The following DAB1 variants were observed in gnomAD, a reference collection of about 807,000 sequenced individuals.
DAB1 encodes disabled homolog 1.
In DAB1, 15 loss-of-function variants were observed where a neutral mutation model predicts 64.6. The observed-to-expected ratio is 0.23, with a 90% CI of 0.16 to 0.36. The LOEUF is 0.36. DAB1 is among the 10% of genes least tolerant of loss of function. The probability of loss-of-function intolerance (pLI) is 1.00; values close to 1 mark genes in which losing one functional copy is unlikely to be tolerated. For synonymous variants in DAB1, 235 were observed against 251.9 expected (o/e 0.93, Z 0.64); for missense variants, 596 against 706.7 (o/e 0.84, Z 1.78).
At chr1:57,316,454 G>T (rs987007197) in intron 1 of DAB1, among the ~76,000 whole-genome samples, 6 of 151,970 alleles carry the variant, frequency 3.9e-5, no homozygotes, top group Admixed American at 2.0e-4. Flanking sequence ...GCAATTACCG[G>T]ACAAATGCCA....
At chr1:57,151,630 C>T (rs1659673748) in intron 2 of DAB1, among the ~76,000 whole-genome samples, 1 of 151,842 alleles carries the variant, frequency 6.6e-6, no homozygotes, top group Admixed American at 6.6e-5. Context: ...GTCCTCAGAA[C>T]AAAACTTTCC....
intron 5 of DAB1, among the ~76,000 whole-genome samples, chr1:58,017,156 C>A (rs991408967): frequency 6.6e-6 from 1 of 151,944 alleles, no homozygotes; most frequent in Non-Finnish European, 1.5e-5. Flanking sequence ...ATGGGGTTGG[C>A]TTTCTGGACC....
At chr1:57,214,412 T>C (rs1179502636) in intron 2 of DAB1, among the ~76,000 whole-genome samples, 1 of 152,186 alleles carries the variant, frequency 6.6e-6, no homozygotes, top group Non-Finnish European at 1.5e-5. Context: ...GGATCATAAA[T>C]AGATTAATAG....
chr1:58,210,624 C>G (rs1167364105), intron 4 of DAB1, among the ~76,000 whole-genome samples: 1 of 152,166 alleles, frequency 6.6e-6, no homozygotes, highest in African/African-American at 2.4e-5. Flanking sequence ...GTCTAAAAGG[C>G]TTTTATTTGA....
chr1:58,264,744 C>T (rs986694412), intron 4 of DAB1, among the ~76,000 whole-genome samples: 4 of 152,172 alleles, frequency 2.6e-5, no homozygotes, highest in Non-Finnish European at 4.4e-5. Flanking sequence ...GAACTAATCA[C>T]GTGGCACCAT....
At chr1:57,540,567 T>C (rs1644789295) in intron 7 of DAB1, among the ~76,000 whole-genome samples, 1 of 152,210 alleles carries the variant, frequency 6.6e-6, no homozygotes, top group South Asian at 2.1e-4. Flanking sequence ...AATGGATGAA[T>C]GGATAAAGAA....
chr1:58,076,032 A>G (rs1283493896), intron 5 of DAB1, among the ~76,000 whole-genome samples: 2 of 152,182 alleles, frequency 1.3e-5, no homozygotes, highest in Non-Finnish European at 2.9e-5. Context: ...ACTTAAATTC[A>G]TATGAGGTCC....
At chr1:57,208,759 T>C (rs1331534251) in intron 2 of DAB1, among the ~76,000 whole-genome samples, 1 of 152,146 alleles carries the variant, frequency 6.6e-6, no homozygotes, top group Non-Finnish European at 1.5e-5. Context: ...TTAATTTTCA[T>C]CCCCATTTTG....
At chr1:58,129,838 C>T (rs947397160) in intron 5 of DAB1, among the ~76,000 whole-genome samples, 2 of 151,138 alleles carry the variant, frequency 1.3e-5, no homozygotes, top group African/African-American at 4.9e-5. Flanking sequence ...GTTATAATTT[C>T]TGTTCTTTTA....
chr1:57,731,152 A>C (rs1416649824), intron 6 of DAB1, among the ~76,000 whole-genome samples: 2 of 152,228 alleles, frequency 1.3e-5, no homozygotes, highest in Non-Finnish European at 2.9e-5. Context: ...AAAGCAAGGA[A>C]ATTTTGAGAC....
intron 1 of DAB1, among the ~76,000 whole-genome samples, chr1:58,540,800 G>C (rs1646594711): frequency 6.7e-6 from 1 of 149,806 alleles, no homozygotes; most frequent in South Asian, 2.1e-4. Flanking sequence ...AAAAAGCGGG[G>C]AGGAGGTGTA....
At chr1:57,179,283 A>G (rs983547485) in intron 2 of DAB1, among the ~76,000 whole-genome samples, 4 of 152,186 alleles carry the variant, frequency 2.6e-5, no homozygotes, top group African/African-American at 9.6e-5. Context: ...CTGGCACAGC[A>G]GCGAGGTGAA....
intron 6 of DAB1, among the ~76,000 whole-genome samples, chr1:57,716,809 G>A (rs1378807109): frequency 6.6e-6 from 1 of 152,208 alleles, no homozygotes. Context: ...CCTACAGAAT[G>A]GGAGAAAGTA....
At chr1:58,252,766 T>TC (rs1281723109) in intron 4 of DAB1, among the ~76,000 whole-genome samples, 1 of 152,152 alleles carries the variant, frequency 6.6e-6, no homozygotes, top group African/African-American at 2.4e-5. Flanking sequence ...CTCTTGACTT[T>TC]CTCCTTCTCT....
intron 3 of DAB1, among the ~76,000 whole-genome samples, chr1:58,348,779 A>C (rs1270348869): frequency 6.6e-6 from 1 of 152,238 alleles, no homozygotes; most frequent in African/African-American, 2.4e-5. Context: ...GAAATGCTAA[A>C]TTAGAGTAAA....
chr1:58,343,005 T>C (rs369374269), intron 4 of DAB1, among the ~76,000 whole-genome samples: 3 of 152,178 alleles, frequency 2.0e-5, no homozygotes, highest in African/African-American at 7.2e-5. Flanking sequence ...TAGGCTTATG[T>C]CCAAACTTCT....
At chr1:58,509,811 G>A (rs564918034) in intron 2 of DAB1, among the ~76,000 whole-genome samples, 206 of 151,878 alleles carry the variant, frequency 1.4e-3, no homozygotes, top group Non-Finnish European at 1.3e-3. Context: ...ACACATTACA[G>A]CATACCATTG....
At chr1:57,809,697 C>T (rs1651526776) in intron 6 of DAB1, among the ~76,000 whole-genome samples, 1 of 152,096 alleles carries the variant, frequency 6.6e-6, no homozygotes, top group Non-Finnish European at 1.5e-5. Flanking sequence ...CAGATGGGTT[C>T]TCCCCACATG....
chr1:57,071,338 C>T, intron 6 of DAB1, 184 bp downstream of exon 6: 1 of 740,756 alleles, frequency 1.3e-6, no homozygotes, highest in Non-Finnish European at 2.1e-6. Flanking sequence ...TCTAACATGT[C>T]TAGAGTTTAA....
Sources: gnomAD v4.1 joint callset for allele counts (sites outside exome capture counted in the v4.1 genomes callset) on GRCh38, gnomAD v4.1.1 for gene constraint, MANE v1.5 for transcripts, NCBI Gene and HGNC (gene_info 2026-07-23, HGNC 2026-07-21) for gene names.